Variants in VWDE observed in about 807,000 individuals in gnomAD.
The protein encoded by VWDE is von Willebrand factor D and EGF domains.
Under a neutral mutation model 178.4 loss-of-function variants are expected in VWDE, and 207 were observed. The observed-to-expected ratio is 1.16, with a 90% CI of 1.04 to 1.30. The LOEUF is 1.30. Among genes scored for constraint, VWDE ranks in the 50% most tolerant of loss-of-function variants. VWDE has a pLI of 0.00. For missense variants in VWDE, 2,287 were observed against 1,901.3 expected (o/e 1.20, Z -3.77); for synonymous variants, 738 against 651.4 (o/e 1.13, Z -2.02).
chr7:12,364,012 C>G (rs1252268115), intron 13 of VWDE, among the ~76,000 whole-genome samples: 1 of 151,926 alleles, frequency 6.6e-6, no homozygotes, highest in Non-Finnish European at 1.5e-5. Context: ...ATTTCTGAAA[C>G]TGACTTACAT....
intron 1 of VWDE, among the ~76,000 whole-genome samples, chr7:12,397,895 A>G (rs1784702644): frequency 6.6e-6 from 1 of 152,200 alleles, no homozygotes; most frequent in African/African-American, 2.4e-5. Flanking sequence ...ACTATTATTA[A>G]AAAGTCAAAA....
intron 10 of VWDE, among the ~76,000 whole-genome samples, chr7:12,372,172 AG>A (rs1373092728): frequency 6.6e-6 from 1 of 151,162 alleles, no homozygotes; most frequent in African/African-American, 2.5e-5. Context: ...TTTTGTGAAA[AG>A]GTTTTTTTAT....
intron 18 of VWDE, among the ~76,000 whole-genome samples, chr7:12,355,387 G>C (rs1295171292): frequency 6.8e-6 from 1 of 148,060 alleles, no homozygotes; most frequent in Non-Finnish European, 1.5e-5. Context: ...CTGCACTCCA[G>C]CCTGGGCGAC....
chr7:12,369,142 A>T (rs537757241), intron 12 of VWDE, among the ~76,000 whole-genome samples: 1 of 152,156 alleles, frequency 6.6e-6, no homozygotes, highest in Non-Finnish European at 1.5e-5. Flanking sequence ...AGTGCTTTAA[A>T]AATACTAAAT....
At chr7:12,340,057 C>T (rs78768304) in intron 24 of VWDE, among the ~76,000 whole-genome samples, 2,832 of 152,238 alleles carry the variant, frequency 0.019, 80 homozygotes, top group African/African-American at 0.064. Context: ...CTTTGCTTAT[C>T]TGTTTCATAC....
chr7:12,356,291 A>G lies in VWDE; in HGVS notation c.3565T>C (p.Cys1189Arg), dbSNP rs1399797455. ...KSCDCLNGGS[C>R]VSDRNFSPGS... Reference sequence around the variant, plus strand: ...GGAGAAAAGTTCCTATCAGATACACATGATCCACCATTCAAGCAATCACAA... The same window carrying G: ...GGAGAAAAGTTCCTATCAGATACACGTGATCCACCATTCAAGCAATCACAA... The change falls in exon 18 of 29, where the codon TGT becomes CGT. Residue 1189 changes from cysteine (C) to arginine (R), a missense_variant. Cys to Arg is a radical substitution (Grantham distance 180). Transcript: ENST00000275358. 6.4e-7 allele frequency: 1 copy of G among 1,551,522 alleles called. No homozygotes were observed. Among genetic ancestry groups the G allele is most frequent in the Non-Finnish European group, 8.7e-7 (1 of 1,146,986 alleles).
intron 27 of VWDE, among the ~76,000 whole-genome samples, chr7:12,335,583 G>A (rs1308170291): frequency 1.3e-5 from 2 of 152,090 alleles, no homozygotes; most frequent in South Asian, 2.1e-4. Context: ...AGACTCCTGA[G>A]TAGCTGGGAC....
chr7:12,345,936 G>C (rs1781574685), intron 19 of VWDE, among the ~76,000 whole-genome samples: 1 of 152,078 alleles, frequency 6.6e-6, no homozygotes, highest in Non-Finnish European at 1.5e-5. Context: ...TGAATATTCT[G>C]TTGATGGTGG....
intron 28 of VWDE, among the ~76,000 whole-genome samples, chr7:12,331,671 A>C (rs1206666825): frequency 6.6e-6 from 1 of 152,124 alleles, no homozygotes; most frequent in Admixed American, 6.6e-5. Flanking sequence ...TAACATATTT[A>C]ATCCTTACAA....
In VWDE at chr7:12,336,167, G is replaced by A; in HGVS notation, c.4628C>T (p.Ser1543Phe). 6.4e-7 allele frequency: 1 copy of A among 1,550,958 alleles called. No individual in the cohort carries two copies. Among genetic ancestry groups the A allele is most frequent in the Non-Finnish European group, 8.7e-7 (1 of 1,146,622 alleles). ...TATTTGACACCGCACTCCTTCCCAG[G>A]AGGAAGGACAATGGCATATGCTGGG... ...IAPSICHCPS[S>F]WEGVRCQIPI... The change falls in exon 27 of 29, where the codon TCC (serine) becomes TTC (phenylalanine). Residue 1543 changes from serine to phenylalanine, a missense_variant. Ser to Phe is a radical substitution (Grantham distance 155). Coordinates refer to ENST00000275358, the MANE Select transcript of VWDE (RefSeq NM_001135924.3).
Position 12,340,429 on chromosome 7 carries a change from C to T in VWDE, c.4271-12G>A, listed in dbSNP as rs1233800156. ...AGGGTCGCACAAAGCTAATAAACAG[C>T]AGGAGGAAAAGAGAACATAAAAGTT... On this transcript the variant is annotated splice_polypyrimidine_tract_variant and intron_variant, in intron 23 of 28. Coordinates refer to ENST00000275358, the MANE Select transcript of VWDE (RefSeq NM_001135924.3). The T allele has an allele frequency of 7.8e-6, 12 of 1,539,490 alleles. No homozygotes were observed. The highest frequency in any genetic ancestry group is 1.1e-5 in the Non-Finnish European group (12 of 1,139,074).
Position 12,351,525 on chromosome 7 carries a change from G to A in VWDE, c.3886+48C>T, listed in dbSNP as rs1481840283. 4.0e-6 allele frequency: 6 copies of A among 1,497,342 alleles called. No homozygotes were observed. The East Asian group carries it at 1.3e-4, about 31-fold the overall frequency. 92.8% of individuals were successfully genotyped at this position (1,497,342 alleles called of 1,614,324 possible). A position where few individuals can be genotyped will look rare whatever the true frequency, so the allele number is the denominator to read the frequency against. On this transcript the variant is annotated intron_variant, in intron 19 of 28. Transcript: ENST00000275358. Reference sequence around the variant, plus strand: ...AATATGTTGGTCTTCTAGAAAACAAGTAAGAGGAATTACTTGTCATTAGAT... The same window carrying A: ...AATATGTTGGTCTTCTAGAAAACAAATAAGAGGAATTACTTGTCATTAGAT...
intron 6 of VWDE, among the ~76,000 whole-genome samples, chr7:12,378,176 A>T (rs1208837282): frequency 1.3e-5 from 2 of 152,164 alleles, no homozygotes; most frequent in Non-Finnish European, 2.9e-5. Context: ...AATCATATCC[A>T]AGCCTGCCTC....
At chr7:12,344,313 T>G in intron 20 of VWDE, 23 bp from the exon 21 acceptor site, 1 of 1,550,556 alleles carries the variant, frequency 6.4e-7, no homozygotes, top group Non-Finnish European at 8.7e-7. Flanking sequence ...AAGCCCAAGT[T>G]TTAGACATAT....
At chr7:12,375,447 ACAC>A (rs1783473613) in intron 7 of VWDE, among the ~76,000 whole-genome samples, 1 of 152,074 alleles carries the variant, frequency 6.6e-6, no homozygotes. Flanking sequence ...ATACATATGT[ACAC>A]ATAAATACAT....
Position 12,361,372 on chromosome 7 carries a change from C to G in VWDE, c.3048G>C (p.Gln1016His). ...ATGTCTTTTTATTTTTTACCTTCAA[C>G]TGCCACTTCCCAGTTGGTTTCCCAC... The part of the protein sequence containing the change: ...LVGGKPTGKW[Q>H]LKVSNDGYKF... Residue 1016 changes from glutamine (Q) to histidine (H), a missense_variant, in exon 14 of 29, where the codon CAG becomes CAC. By Grantham distance (24) the Gln-to-His change is conservative (BLOSUM62 0). Coordinates refer to ENST00000275358, the MANE Select transcript of VWDE (RefSeq NM_001135924.3). 6.5e-7 allele frequency: 1 copy of G among 1,546,636 alleles called. No homozygotes were observed. The highest frequency in any genetic ancestry group is 8.7e-7 in the Non-Finnish European group (1 of 1,145,370).
rs866571236 is a variant in VWDE at position 12,395,149 on chromosome 7, A to G, written c.59-1371T>C. ...TCTTTCTTTTGTCTCTAAATCTTCC[A>G]TAGTTGTTAACTTCCCAAAAGGCTC... is the stretch of plus-strand genomic sequence containing the variant. On this transcript the variant is annotated intron_variant, in intron 1 of 28. Coordinates refer to ENST00000275358, the MANE Select transcript of VWDE (RefSeq NM_001135924.3). 3.9e-5 allele frequency among the ~76,000 whole-genome samples: 6 copies of G among 152,238 alleles called. No individual in the cohort carries two copies. In the East Asian group the frequency reaches 1.2e-3, roughly 29 times the overall value.
At chr7:12,359,194 T>G (rs1358355994) in intron 16 of VWDE, among the ~76,000 whole-genome samples, 3 of 152,202 alleles carry the variant, frequency 2.0e-5, no homozygotes, top group Non-Finnish European at 4.4e-5. Flanking sequence ...ATTATACTCA[T>G]GACATCACAC....
intron 1 of VWDE, among the ~76,000 whole-genome samples, chr7:12,396,158 T>A (rs987610120): frequency 6.6e-6 from 1 of 152,146 alleles, no homozygotes; most frequent in African/African-American, 2.4e-5. Context: ...CATATGCAAA[T>A]AATTTCCTTT....
Sources: allele counts gnomAD v4.1 joint callset (sites outside exome capture counted in the v4.1 genomes callset), GRCh38; gene constraint gnomAD v4.1.1; transcripts MANE v1.5; gene names NCBI Gene and HGNC (gene_info 2026-07-23, HGNC 2026-07-21).